MAK: variants seen among roughly 807,000 people sequenced by gnomAD.
MAK encodes male germ cell associated kinase.
A neutral mutation model predicts 82.6 loss-of-function variants in MAK; 65 were observed. The observed-to-expected ratio is 0.79, with a 90% CI of 0.64 to 0.97. MAK has a LOEUF of 0.97. Ranked by LOEUF, MAK falls within the 50% of genes least tolerant of loss-of-function variation. The probability of loss-of-function intolerance (pLI) is 0.00; values close to 1 mark genes in which losing one functional copy is unlikely to be tolerated. For missense variants in MAK, 703 were observed against 780.2 expected (o/e 0.90, Z 1.18); for synonymous variants, 250 against 274.2 (o/e 0.91, Z 0.87).
At chr6:10,788,474 G>A (rs1774786934) in intron 10 of MAK, among the ~76,000 whole-genome samples, 1 of 152,206 alleles carries the variant, frequency 6.6e-6, no homozygotes, top group Admixed American at 6.5e-5. Context: ...GCTCATGCCT[G>A]TAATCCCAAC....
chr6:10,807,878 G>C (rs1776614983), intron 6 of MAK, among the ~76,000 whole-genome samples: 1 of 151,878 alleles, frequency 6.6e-6, no homozygotes, highest in Non-Finnish European at 1.5e-5. Flanking sequence ...GACCAGCCTG[G>C]CTAACACGGT....
At chr6:10,784,018 C>CA (rs1009051771) in intron 11 of MAK, among the ~76,000 whole-genome samples, 16 of 149,776 alleles carry the variant, frequency 1.1e-4, no homozygotes, top group East Asian at 1.9e-4. Flanking sequence ...GAATCTGTCT[C>CA]AAAAAAAACA....
intron 14 of MAK, among the ~76,000 whole-genome samples, chr6:10,768,014 T>C (rs1048718685): frequency 1.3e-5 from 2 of 152,156 alleles, no homozygotes; most frequent in East Asian, 3.8e-4. Flanking sequence ...GAGTGATTAA[T>C]ATTTACTTCA....
chr6:10,835,875 T>G (rs1779115787), intron 1 of MAK, among the ~76,000 whole-genome samples: 1 of 152,184 alleles, frequency 6.6e-6, no homozygotes, highest in African/African-American at 2.4e-5. Flanking sequence ...TCTTCCACTA[T>G]TAAGGCCATC....
chr6:10,798,582 A>G (rs1357323770), intron 8 of MAK, among the ~76,000 whole-genome samples: 3 of 152,044 alleles, frequency 2.0e-5, no homozygotes, highest in African/African-American at 7.2e-5. Flanking sequence ...AAAATTTAAC[A>G]CCCAGAGACA....
chr6:10,813,124 ATATATATATAAATTTTTTTTTTTTTTT>A (rs1777149678), intron 5 of MAK, among the ~76,000 whole-genome samples: 1 of 816 alleles, frequency 1.2e-3, no homozygotes, highest in African/African-American at 4.6e-3. Flanking sequence ...ATATATATAT[ATATATATATAAATTTTTTTTTTTTTTT>A]TTTTTTTTTT....
Position 10,764,431 on chromosome 6 carries a change from A to T in MAK, c.*21T>A. ...CACGTACTCTACGGAGCAATGCTGT[A>T]GGGTTTCACACCATAGACTCCTACC... On this transcript the variant is annotated 3_prime_UTR_variant, in exon 15 of 15. Coordinates refer to ENST00000354489, the MANE Select transcript of MAK (RefSeq NM_001242957.3). 1 of 1,612,420 alleles carries T rather than the reference A, an allele frequency of 6.2e-7. No homozygotes were observed. Among genetic ancestry groups the T allele is most frequent in the Non-Finnish European group, 8.5e-7 (1 of 1,178,870 alleles).
chr6:10,765,683 C>CGTCA (rs1415048757), intron 14 of MAK, among the ~76,000 whole-genome samples: 1 of 151,984 alleles, frequency 6.6e-6, no homozygotes, highest in African/African-American at 2.4e-5. Flanking sequence ...TGGTCTGGAA[C>CGTCA]TCCTGACCTA....
intron 1 of MAK, among the ~76,000 whole-genome samples, chr6:10,835,937 C>T (rs1057383346): frequency 6.6e-6 from 1 of 152,222 alleles, no homozygotes; most frequent in African/African-American, 2.4e-5. Context: ...TGAAGCTGCA[C>T]CAGCACTATC....
At chr6:10,781,421 ATTTTT>A (rs1007040142) in intron 11 of MAK, among the ~76,000 whole-genome samples, 2 of 134,456 alleles carry the variant, frequency 1.5e-5, no homozygotes, top group Non-Finnish European at 3.2e-5. Flanking sequence ...TCAAAAGTAG[ATTTTT>A]TTTTTTTTTT....
chr6:10,818,339 C>T (rs978724580), intron 3 of MAK, among the ~76,000 whole-genome samples: 1 of 152,170 alleles, frequency 6.6e-6, no homozygotes, highest in Admixed American at 6.5e-5. Flanking sequence ...GGTGGCTGAG[C>T]GTGGTGGCTC....
At chr6:10,770,034 GTGAC>G in intron 14 of MAK, 73 bp downstream of exon 14, 3 of 1,611,982 alleles carry the variant, frequency 1.9e-6, no homozygotes, top group Non-Finnish European at 1.7e-6. Context: ...CTTGGGAAAA[GTGAC>G]TGCATAAACT....
intron 1 of MAK, among the ~76,000 whole-genome samples, chr6:10,836,560 A>G (rs1055849356): frequency 7.2e-5 from 11 of 152,348 alleles, no homozygotes; most frequent in African/African-American, 2.6e-4. Context: ...ATCAAAAAGC[A>G]GTCTATGTTC....
chr6:10,801,877 G>GA lies in MAK; in HGVS notation c.831+14dup, dbSNP rs1180683663. The GA allele has an allele frequency of 6.2e-7, 1 of 1,613,400 alleles. No homozygotes were observed. Among genetic ancestry groups the GA allele is most frequent in the African/African-American group, 1.3e-5 (1 of 74,892 alleles). On this transcript the variant is annotated intron_variant, in intron 8 of 14. Transcript: ENST00000354489. ...CTAAACATTTTTAAAGGTCTAACAG[G>GA]AAGACTCCTCTTACCTGGCTTGCTG...
intron 6 of MAK, among the ~76,000 whole-genome samples, chr6:10,805,980 G>A (rs1388984619): frequency 3.9e-5 from 6 of 152,064 alleles, no homozygotes; most frequent in Non-Finnish European, 1.5e-5. Context: ...TCAAAATAAG[G>A]TCACATTCGC....
At chr6:10,815,945 T>TATATATATATATAAAA (rs1171616235) in intron 4 of MAK, among the ~76,000 whole-genome samples, 2 of 116,826 alleles carry the variant, frequency 1.7e-5, no homozygotes, top group African/African-American at 7.5e-5. Context: ...TATATATATA[T>TATATATATATATAAAA]ATGTATGTTT....
At chr6:10,832,644 G>A (rs753632876) in intron 1 of MAK, among the ~76,000 whole-genome samples, 2 of 151,784 alleles carry the variant, frequency 1.3e-5, no homozygotes, top group South Asian at 4.2e-4. Context: ...GACTATAGGC[G>A]CAAGCTACTA....
At chr6:10,818,011 A>T (rs1215008493) in intron 3 of MAK, 40 bp from the exon 4 acceptor site, 4 of 1,338,312 alleles carry the variant, frequency 3.0e-6, no homozygotes, top group South Asian at 2.5e-5. Flanking sequence ...TCTTAAAAAA[A>T]ACTTACAGAA....
intron 14 of MAK, 108 bp downstream of exon 14, chr6:10,770,003 G>A (rs555388483): frequency 2.5e-6 from 4 of 1,599,206 alleles, no homozygotes; most frequent in Non-Finnish European, 3.4e-6. Context: ...TTAATGAGGT[G>A]AGGCTGACTA....
Sources: gnomAD v4.1 joint callset for allele counts (sites outside exome capture counted in the v4.1 genomes callset) on GRCh38, gnomAD v4.1.1 for gene constraint, MANE v1.5 for transcripts, NCBI Gene and HGNC (gene_info 2026-07-23, HGNC 2026-07-21) for gene names.